Variants in DNAH9 observed in about 807,000 individuals in gnomAD.
DNAH9 encodes DNAH9 variant protein.
Under a neutral mutation model 471.6 loss-of-function variants are expected in DNAH9, and 345 were observed. The observed-to-expected ratio is 0.73, with a 90% CI of 0.67 to 0.80. DNAH9 has a LOEUF of 0.80. Ranked by LOEUF, DNAH9 falls within the 30% of genes least tolerant of loss-of-function variation. DNAH9 has a pLI of 0.00. For missense variants in DNAH9, 5,407 were observed against 5,609.2 expected (o/e 0.96, Z 1.15); for synonymous variants, 2,093 against 2,123.6 (o/e 0.99, Z 0.40).
intron 6 of DNAH9, among the ~76,000 whole-genome samples, chr17:11,621,200 G>A (rs35950622): frequency 0.031 from 4,654 of 151,978 alleles, 108 homozygotes; most frequent in South Asian, 0.05. Flanking sequence ...ACAAGTTCAG[G>A]AGTTCATGAT....
chr17:11,601,167 A>G (rs927628378), intron 1 of DNAH9, among the ~76,000 whole-genome samples: 24 of 152,202 alleles, frequency 1.6e-4, no homozygotes, highest in African/African-American at 7.2e-5. Context: ...ATTCTATTGT[A>G]TGTATATACC....
intron 23 of DNAH9, among the ~76,000 whole-genome samples, chr17:11,700,114 C>T (rs1313308005): frequency 6.6e-6 from 1 of 152,120 alleles, no homozygotes; most frequent in Non-Finnish European, 1.5e-5. Context: ...TTTCCTTAAC[C>T]AAAGACCTGT....
At chr17:11,918,067 G>A (rs533602416) in intron 61 of DNAH9, among the ~76,000 whole-genome samples, 12 of 152,130 alleles carry the variant, frequency 7.9e-5, no homozygotes, top group Admixed American at 4.6e-4. Flanking sequence ...TGAGATTTTT[G>A]TAGGCCTGCT....
At chr17:11,629,218 A>G (rs1471910050) in intron 6 of DNAH9, among the ~76,000 whole-genome samples, 199 bp from the exon 7 acceptor site, 4 of 151,534 alleles carry the variant, frequency 2.6e-5, no homozygotes, top group African/African-American at 9.7e-5. Context: ...ATTTAGCATT[A>G]GGTATATCTC....
At chr17:11,786,971 C>T (rs1356464926) in intron 41 of DNAH9, among the ~76,000 whole-genome samples, 1 of 152,216 alleles carries the variant, frequency 6.6e-6, no homozygotes, top group Non-Finnish European at 1.5e-5. Context: ...CCTTCTGCTA[C>T]GTGGTCCCCT....
intron 63 of DNAH9, 124 bp downstream of exon 63, chr17:11,930,217 G>C (rs913451460): frequency 1.0e-4 from 84 of 830,246 alleles, no homozygotes; most frequent in Non-Finnish European, 1.5e-4. Flanking sequence ...GAGCAATGCT[G>C]ATGTGGGTAA....
intron 42 of DNAH9, among the ~76,000 whole-genome samples, chr17:11,795,913 G>C (rs1969221710): frequency 1.3e-5 from 2 of 152,118 alleles, no homozygotes; most frequent in Admixed American, 1.3e-4. Flanking sequence ...CCACATCTTG[G>C]TATTGGTATC....
intron 42 of DNAH9, among the ~76,000 whole-genome samples, chr17:11,797,070 G>A (rs1395154066): frequency 6.6e-6 from 1 of 152,158 alleles, no homozygotes; most frequent in African/African-American, 2.4e-5. Context: ...CCTGAGGGTG[G>A]CTAGTAGCGC....
In DNAH9 at chr17:11,788,242, T is replaced by C. The variant is rs564621548; in HGVS notation, c.8061+3703T>C. Among the ~76,000 whole-genome samples, 17 of 152,318 alleles carry C rather than the reference T, an allele frequency of 1.1e-4. No homozygotes were observed. In the South Asian group the frequency reaches 3.5e-3, roughly 32 times the overall value. ...TTTTTCTTGTCCTCTGAATTTCATA[T>C]ATGGCAGGTACCTAGGAGAGCTAAG... On this transcript the variant is annotated intron_variant, in intron 41 of 68. Transcript: ENST00000262442.
intron 17 of DNAH9, among the ~76,000 whole-genome samples, chr17:11,670,117 G>A (rs944840836): frequency 3.9e-5 from 6 of 152,188 alleles, no homozygotes; most frequent in Admixed American, 3.9e-4. Flanking sequence ...TTAAGCTTGG[G>A]AAGGAGAGAG....
At chr17:11,771,139 T>G (rs551803120) in intron 38 of DNAH9, among the ~76,000 whole-genome samples, 17 of 152,352 alleles carry the variant, frequency 1.1e-4, no homozygotes, top group Non-Finnish European at 2.5e-4. Context: ...TATTTATTTA[T>G]TTTTGAGATG....
At chr17:11,645,124 G>A (rs960661977) in intron 11 of DNAH9, among the ~76,000 whole-genome samples, 7 of 152,192 alleles carry the variant, frequency 4.6e-5, no homozygotes, top group African/African-American at 1.7e-4. Flanking sequence ...TGACTTCAAA[G>A]TTGTAACTGC....
chr17:11,899,365 G>T (rs534173049), intron 59 of DNAH9, among the ~76,000 whole-genome samples: 1 of 152,210 alleles, frequency 6.6e-6, no homozygotes, highest in Non-Finnish European at 1.5e-5. Context: ...GGCATGTTCT[G>T]TTGCTCATTA....
rs752703030 is a variant in DNAH9 at position 11,933,911 on chromosome 17, G to A, written c.12329G>A (p.Gly4110Glu). ...TATGATGATTTGCGCTACCTGTTTG[G>A]AGAGATCATGTATGGAGGCCATATC... The part of the protein sequence containing the change: ...VPYDDLRYLF[G>E]EIMYGGHITD... Residue 4110 changes from glycine (G) to glutamate (E), a missense_variant, in exon 65 of 69, where the codon GGA becomes GAA. By Grantham distance (98) the Gly-to-Glu change is moderately conservative. Around this residue, in one of 3 missense-constraint regions of DNAH9, gnomAD observed 4,636 missense variants for 4,900.3 expected, o/e 0.95. Transcript: ENST00000262442. 4.3e-6 allele frequency: 7 copies of A among 1,613,920 alleles called. No homozygotes were observed. Among genetic ancestry groups the A allele is most frequent in the Middle Eastern group, 1.6e-4 (1 of 6,062 alleles).
At chr17:11,816,277 C>T (rs1597687687) in intron 45 of DNAH9, among the ~76,000 whole-genome samples, 1 of 152,288 alleles carries the variant, frequency 6.6e-6, no homozygotes, top group Admixed American at 6.5e-5. Flanking sequence ...TAAATGGCTA[C>T]TTCTCAGTTT....
chr17:11,812,054 TAC>T (rs3070094), intron 45 of DNAH9, among the ~76,000 whole-genome samples: 3,488 of 47,346 alleles, frequency 0.074, 464 homozygotes, highest in African/African-American at 0.18. Context: ...TATATATATA[TAC>T]ACATACATAC....
rs1308658218 is a variant in DNAH9, at chr17:11,690,220, G to A, written c.4398G>A (p.Glu1466=). ...ATGTCCCCCTCCTGTGCTCTGATGA[G>A]GACCTCATAGAGGTTCTGGAGGATA... is the stretch of plus-strand genomic sequence containing the variant. ...RTNVPLLCSD[E]DLIEVLEDNQ... Residue 1466 remains glutamate (E), a synonymous_variant, in exon 20 of 69, where the codon GAG becomes GAA. Transcript: ENST00000262442. 5 of 1,614,228 alleles carry A rather than the reference G, an allele frequency of 3.1e-6. No individual in the cohort carries two copies. The Admixed American group carries it at 5.0e-5, about 16-fold the overall frequency.
chr17:11,708,006 C>CAGAGAG lies in DNAH9; in HGVS notation c.5552+2822_5552+2823insGAGAGA, dbSNP rs1567736983. 2.3e-4 allele frequency among the ~76,000 whole-genome samples: 11 copies of CAGAGAG among 48,286 alleles called. No individual in the cohort carries two copies. The East Asian group carries it at 5.4e-3, about 24-fold the overall frequency. The allele number at this position is 48,286 out of a possible 152,430, so 31.7% of individuals were successfully genotyped here. Reference sequence around the variant, plus strand: ...ACACACACACACACACACACACACACACACACACAGAGAGAGAGAGAGAGA... The same window carrying CAGAGAG: ...ACACACACACACACACACACACACACAGAGAGACACACACAGAGAGAGAGAGAGAGA... On this transcript the variant is annotated intron_variant, in intron 26 of 68. Coordinates refer to ENST00000262442, the MANE Select transcript of DNAH9 (RefSeq NM_001372.4).
chr17:11,761,444 C>T (rs1275948961), intron 35 of DNAH9, among the ~76,000 whole-genome samples: 1 of 152,208 alleles, frequency 6.6e-6, no homozygotes, highest in East Asian at 1.9e-4. Context: ...CTTGGCTCCT[C>T]CCCATCACTG....
Sources: gnomAD v4.1 joint callset for allele counts (sites outside exome capture counted in the v4.1 genomes callset) on GRCh38, gnomAD v4.1.1 for gene constraint, gnomAD v4.1.1 regional missense constraint, MANE v1.5 for transcripts, NCBI Gene and HGNC (gene_info 2026-07-23, HGNC 2026-07-21) for gene names.